The following PARD3B variants were observed in gnomAD, a reference collection of about 807,000 sequenced individuals.
PARD3B encodes the protein par-3 family cell polarity regulator beta, also known as partitioning defective 3 homolog B.
Under a neutral mutation model 130.2 loss-of-function variants are expected in PARD3B, and 103 were observed. The ratio of observed to expected loss-of-function variants is 0.79; its 90% CI spans 0.67 to 0.93. The LOEUF is 0.93. Among genes scored for constraint, PARD3B ranks in the 40% least tolerant of loss-of-function variants. The pLI is 0.00. For missense variants in PARD3B, 1,609 were observed against 1,499.2 expected (o/e 1.07, Z -1.21); for synonymous variants, 583 against 553.2 (o/e 1.05, Z -0.76).
rs59271830 is a variant in PARD3B, at chr2:205,363,832, CT to C, written c.2631-37151del. On this transcript the variant is annotated intron_variant, in intron 18 of 22. Transcript: ENST00000406610. ...GGCATGCGCCACAACGCCTGACTGA[CT>C]TTTTTTTTTTTTTTTTTTTTTTTTT... Among the ~76,000 whole-genome samples, 471 of 96,984 alleles carry C rather than the reference CT, an allele frequency of 4.9e-3. 1 individual carries two copies. Among genetic ancestry groups the C allele is most frequent in the Middle Eastern group, 0.01 (2 of 194 alleles). The allele number at this position is 96,984 out of a possible 152,430, so 63.6% of individuals were successfully genotyped here.
chr2:205,189,088 C>A (rs1009136140), intron 14 of PARD3B, among the ~76,000 whole-genome samples: 1 of 152,084 alleles, frequency 6.6e-6, no homozygotes, highest in Non-Finnish European at 1.5e-5. Context: ...CAGAATATAT[C>A]GAATATTATT....
chr2:205,234,186 G>A (rs1300130617), intron 15 of PARD3B, among the ~76,000 whole-genome samples: 1 of 152,178 alleles, frequency 6.6e-6, no homozygotes, highest in Non-Finnish European at 1.5e-5. Context: ...CAGACATGGT[G>A]GCTCATGCCT....
intron 1 of PARD3B, among the ~76,000 whole-genome samples, chr2:204,658,432 C>T (rs1303680555): frequency 1.3e-5 from 2 of 152,128 alleles, no homozygotes; most frequent in African/African-American, 4.8e-5. Flanking sequence ...AAAAACGTCT[C>T]TTGGTCTTAG....
chr2:204,749,461 A>C (rs1249707778), intron 2 of PARD3B, among the ~76,000 whole-genome samples: 1 of 152,212 alleles, frequency 6.6e-6, no homozygotes, highest in Non-Finnish European at 1.5e-5. Flanking sequence ...CATAGAGAAT[A>C]TGAGTAGGAA....
At position 205,253,266 on chromosome 2, in the gene PARD3B, T is replaced by C. The variant is rs2039934344; in HGVS notation, c.2185+7444T>C. On this transcript the variant is annotated intron_variant, in intron 16 of 22. Coordinates refer to ENST00000406610, the MANE Select transcript of PARD3B (RefSeq NM_001302769.2). This position sits in a 1 kb window ranked among gnomAD's most constrained non-coding sequence, Gnocchi z 4.4. ...AGTGAGAAGATAGAGACAGGGTAGA[T>C]AGACACTTAAGAGTAAAATGTATTA... 2.1e-6 allele frequency: 1 copy of C among 471,912 alleles called. No homozygotes were observed. The allele number at this position is 471,912 out of a possible 1,614,324, so 29.2% of individuals were successfully genotyped here. A position where few individuals can be genotyped will look rare whatever the true frequency, so the allele number is the denominator to read the frequency against.
chr2:205,186,090 T>G (rs1272730351), intron 14 of PARD3B, among the ~76,000 whole-genome samples: 3 of 152,196 alleles, frequency 2.0e-5, no homozygotes, highest in Non-Finnish European at 4.4e-5. Context: ...CACCTTAAAT[T>G]ATTAAAATAT....
chr2:204,952,751 C>G (rs1213225497), intron 2 of PARD3B, among the ~76,000 whole-genome samples: 3 of 152,072 alleles, frequency 2.0e-5, no homozygotes, highest in Non-Finnish European at 2.9e-5. Context: ...GTAATCCCAG[C>G]ACTTCAGGAG....
At chr2:205,426,570 A>G (rs538171777) in intron 19 of PARD3B, among the ~76,000 whole-genome samples, 2 of 152,230 alleles carry the variant, frequency 1.3e-5, no homozygotes, top group Admixed American at 1.3e-4. Context: ...CATTACCACT[A>G]TAGGGAGCAA....
At chr2:205,018,955 G>A (rs1001558229) in intron 3 of PARD3B, among the ~76,000 whole-genome samples, 10 of 151,810 alleles carry the variant, frequency 6.6e-5, no homozygotes, top group Non-Finnish European at 2.9e-5. Context: ...AGATTGGGTG[G>A]TTCTTTTTGA....
chr2:205,480,092 A>G (rs1012290772), intron 20 of PARD3B, among the ~76,000 whole-genome samples: 1 of 151,886 alleles, frequency 6.6e-6, no homozygotes, highest in Non-Finnish European at 1.5e-5. Flanking sequence ...TTTAGTAGAG[A>G]TGGGGTTTCA....
At chr2:205,390,784 A>G (rs1559046755) in intron 18 of PARD3B, among the ~76,000 whole-genome samples, 1 of 152,222 alleles carries the variant, frequency 6.6e-6, no homozygotes, top group Non-Finnish European at 1.5e-5. Context: ...CAAGGCAGAC[A>G]CCATCATCTG....
intron 2 of PARD3B, among the ~76,000 whole-genome samples, chr2:204,767,254 G>GT (rs2041208489): frequency 2.6e-5 from 1 of 38,878 alleles, no homozygotes; most frequent in Non-Finnish European, 5.1e-5. Context: ...GCGGTGTTTG[G>GT]TTTTTTGTTC....
chr2:204,827,464 T>C (rs1377629665), intron 2 of PARD3B, among the ~76,000 whole-genome samples: 7 of 152,342 alleles, frequency 4.6e-5, no homozygotes, highest in Non-Finnish European at 1.0e-4. Context: ...AGATAGTTCA[T>C]GCTTAAAGAG....
At chr2:204,714,740 A>C (rs768798008) in intron 2 of PARD3B, among the ~76,000 whole-genome samples, 2 of 152,206 alleles carry the variant, frequency 1.3e-5, no homozygotes, top group Non-Finnish European at 2.9e-5. Context: ...AAGCTCTGAT[A>C]ACTTCATTCC....
At chr2:205,165,649 C>T (rs1316693689) in intron 11 of PARD3B, among the ~76,000 whole-genome samples, 1 of 151,072 alleles carries the variant, frequency 6.6e-6, no homozygotes, top group South Asian at 2.1e-4. Flanking sequence ...ACCAGGGAGG[C>T]GGAGGTTGCA....
intron 1 of PARD3B, among the ~76,000 whole-genome samples, chr2:204,660,824 A>C (rs1432849067): frequency 6.6e-6 from 1 of 152,238 alleles, no homozygotes; most frequent in Admixed American, 6.5e-5. Context: ...GAAAGGTGCT[A>C]TGAAAATCTA....
chr2:204,553,179 G>A (rs373277874), intron 1 of PARD3B, among the ~76,000 whole-genome samples: 28 of 152,190 alleles, frequency 1.8e-4, no homozygotes, highest in African/African-American at 6.7e-4. Flanking sequence ...CTAATGATCA[G>A]GGAAGTGCAA....
chr2:204,874,293 G>A (rs1019797261), intron 2 of PARD3B, among the ~76,000 whole-genome samples: 4 of 152,164 alleles, frequency 2.6e-5, no homozygotes, highest in African/African-American at 9.7e-5. Context: ...ATTAATTGAT[G>A]CTTATGATGA....
chr2:204,678,605 A>G lies in PARD3B; in HGVS notation c.121-7576A>G, dbSNP rs931773602. 6.6e-6 allele frequency among the ~76,000 whole-genome samples: 1 copy of G among 152,004 alleles called. No individual in the cohort carries two copies. Among genetic ancestry groups the G allele is most frequent in the African/African-American group, 2.4e-5 (1 of 41,390 alleles). On this transcript the variant is annotated intron_variant, in intron 1 of 22. Coordinates refer to ENST00000406610, the MANE Select transcript of PARD3B (RefSeq NM_001302769.2). The surrounding 1 kb of genome is among the most constrained non-coding windows in gnomAD (Gnocchi z 4.2). ...CGTCTCCGAAGTCGTGTGGTCTGACATTAAGCCGCGTCTAGCCTTAGTCTC... is the reference window on the plus strand; with the variant it reads ...CGTCTCCGAAGTCGTGTGGTCTGACGTTAAGCCGCGTCTAGCCTTAGTCTC...
Sources: allele counts gnomAD v4.1 joint callset (sites outside exome capture counted in the v4.1 genomes callset), GRCh38; gene constraint gnomAD v4.1.1; non-coding constraint Gnocchi (gnomAD v3.1); transcripts MANE v1.5; gene names NCBI Gene and HGNC (gene_info 2026-07-23, HGNC 2026-07-21).